Variants in KLHL5 observed in about 807,000 individuals in gnomAD.
The protein encoded by KLHL5 is kelch like family member 5, also known as kelch-like protein 5.
Under a neutral mutation model 77.7 loss-of-function variants are expected in KLHL5, and 48 were observed. The ratio of observed to expected loss-of-function variants is 0.62; its 90% CI spans 0.49 to 0.79. KLHL5 has a LOEUF of 0.79. Ranked by LOEUF, KLHL5 falls within the 30% of genes least tolerant of loss-of-function variation. The pLI, the probability that KLHL5 is intolerant of heterozygous loss-of-function variation, is 0.00. For missense variants in KLHL5, 723 were observed against 859.7 expected (o/e 0.84, Z 1.99); for synonymous variants, 260 against 297.0 (o/e 0.88, Z 1.28).
intron 8 of KLHL5, chr4:39,112,751 T>C: frequency 2.5e-6 from 1 of 397,346 alleles, no homozygotes; most frequent in East Asian, 5.0e-5. Flanking sequence ...CAACCAATGG[T>C]GACTTGTCAA....
At chr4:39,048,763 C>G (rs1472401648) in intron 1 of KLHL5, among the ~76,000 whole-genome samples, 1 of 149,074 alleles carries the variant, frequency 6.7e-6, no homozygotes, top group African/African-American at 2.5e-5. Flanking sequence ...CCTGCCTCAG[C>G]CTCCCGAGTA....
intron 8 of KLHL5, 34 bp from the exon 9 acceptor site, chr4:39,112,986 G>C (rs914409271): frequency 6.3e-7 from 1 of 1,575,776 alleles, no homozygotes; most frequent in Non-Finnish European, 8.7e-7. Flanking sequence ...AATGGCACAT[G>C]TCTTATTTAT....
chr4:39,118,035 T>C (rs551676202), intron 10 of KLHL5, among the ~76,000 whole-genome samples: 1 of 143,984 alleles, frequency 6.9e-6, no homozygotes, highest in Admixed American at 7.3e-5. Flanking sequence ...CACTCTAGCC[T>C]GGGTGACAGA....
rs190979670 is a variant in KLHL5 at position 39,121,176 on chromosome 4, C to A, written c.*110C>A. On this transcript the variant is annotated 3_prime_UTR_variant, in exon 11 of 11. Coordinates refer to ENST00000504108, the MANE Select transcript of KLHL5 (RefSeq NM_015990.5). ...AAATGTGCATTGTCACAATCCTGGG[C>A]ACAAAGTGCCTGATGTCAAAATGAA... is the stretch of plus-strand genomic sequence containing the variant. The A allele has an allele frequency of 1.3e-3, 1,072 of 828,186 alleles. No homozygotes were observed. The highest frequency in any genetic ancestry group is 1.9e-3 in the Non-Finnish European group (939 of 499,492). 51.3% of individuals were successfully genotyped at this position (828,186 alleles called of 1,614,324 possible).
chr4:39,116,072 C>G, intron 10 of KLHL5: 1 of 975,186 alleles, frequency 1.0e-6, no homozygotes, highest in South Asian at 4.7e-5. Context: ...GTGGCTTATG[C>G]CTATAATCCC....
rs184995654 is a variant in KLHL5, at chr4:39,113,175, G to T, written c.1844G>T (p.Gly615Val). Residue 615 changes from glycine to valine, a missense_variant, in exon 9 of 11, where the codon GGG becomes GTG. By Grantham distance (109) the Gly-to-Val change is moderately radical. This residue lies in a region of KLHL5 where 214 missense variants were observed against 237.4 expected (regional missense o/e 0.90). Coordinates refer to ENST00000504108, the MANE Select transcript of KLHL5 (RefSeq NM_015990.5). ...TTWNGLLYAI[G>V]GHDAPASNLT... The stretch of plus-strand genomic sequence containing the variant: ...TGGAATGGACTGCTGTATGCTATAG[G>T]GGGGCACGATGCTCCCGCATCCAAC... 6.2e-6 allele frequency: 10 copies of T among 1,614,114 alleles called. No individual in the cohort carries two copies. Among genetic ancestry groups the T allele is most frequent in the Admixed American group, 5.0e-5 (3 of 60,008 alleles).
chr4:39,054,531 G>A (rs542278147), intron 1 of KLHL5, among the ~76,000 whole-genome samples: 25 of 152,244 alleles, frequency 1.6e-4, no homozygotes, highest in African/African-American at 4.3e-4. Context: ...AATCCTGACC[G>A]TTACTCAATA....
At chr4:39,098,617 G>T (rs1006889353) in intron 6 of KLHL5, among the ~76,000 whole-genome samples, 2 of 151,204 alleles carry the variant, frequency 1.3e-5, no homozygotes, top group Non-Finnish European at 2.9e-5. Context: ...AGGCTGGAGT[G>T]CAGTGGCATG....
At position 39,122,107 on chromosome 4, in the gene KLHL5, C is replaced by CT. The variant is rs1723243776; in HGVS notation, c.*1042dup. ...CCTAAGTTTTTTACATTTTTAAACT[C>CT]TAATTACATATGTGAATGTTATTAC... On this transcript the variant is annotated 3_prime_UTR_variant, in exon 11 of 11. Coordinates refer to ENST00000504108, the MANE Select transcript of KLHL5 (RefSeq NM_015990.5). 6.6e-6 allele frequency: 1 copy of CT among 152,518 alleles called. No individual in the cohort carries two copies. Among genetic ancestry groups the CT allele is most frequent in the Non-Finnish European group, 1.5e-5 (1 of 68,014 alleles). 9.4% of individuals were successfully genotyped at this position (152,518 alleles called of 1,614,324 possible).
intron 1 of KLHL5, among the ~76,000 whole-genome samples, chr4:39,050,660 A>G (rs1716568285): frequency 6.6e-6 from 1 of 152,244 alleles, no homozygotes; most frequent in Non-Finnish European, 1.5e-5. Flanking sequence ...GACTTAGGAA[A>G]TAATGCAGTT....
intron 6 of KLHL5, among the ~76,000 whole-genome samples, chr4:39,098,002 T>C (rs1267990110): frequency 6.6e-6 from 1 of 151,262 alleles, no homozygotes; most frequent in Non-Finnish European, 1.5e-5. Flanking sequence ...ACAATGGTGG[T>C]GCATGCCTGT....
chr4:39,060,152 T>C (rs974951888), upstream of KLHL5, among the ~76,000 whole-genome samples: 1 of 152,128 alleles, frequency 6.6e-6, no homozygotes, highest in Non-Finnish European at 1.5e-5. Flanking sequence ...ATATATAAAA[T>C]TAGGTGAGAA....
At chr4:39,087,933 GCTTT>G (rs1190933351) in intron 5 of KLHL5, among the ~76,000 whole-genome samples, 6 of 152,236 alleles carry the variant, frequency 3.9e-5, no homozygotes, top group East Asian at 3.9e-4. Context: ...CAATATGGAT[GCTTT>G]CTAAGACCTT....
Position 39,115,197 on chromosome 4 carries a change from C to G in KLHL5, c.1940C>G (p.Ser647Cys), listed in dbSNP as rs150876209. The G allele has an allele frequency of 1.3e-4, 204 of 1,613,478 alleles. No individual in the cohort carries two copies. In the African/African-American group the frequency reaches 2.5e-3, roughly 20 times the overall value. Residue 647 changes from serine (S) to cysteine (C), a missense_variant, in exon 10 of 11, where the codon TCC becomes TGC. Physicochemically the swap from Ser to Cys is moderately radical, Grantham distance 112. Transcript: ENST00000504108. ...PKTDMWTAVA[S>C]MSISRDAVGV... is the part of the protein sequence containing the mutation. ...ACAGACATGTGGACTGCAGTAGCAT[C>G]CATGAGCATCAGCAGAGATGCAGTG...
rs1417639045 is a variant in KLHL5 at position 39,126,180 on chromosome 4, TA to T, written c.*5116del. On this transcript the variant is annotated 3_prime_UTR_variant, in exon 11 of 11. Transcript: ENST00000504108. ...ACTCTGTAATATTTGAAATTATTGA[TA>T]ACTCTTACACAAAAACAAATATTCA... Among the ~76,000 whole-genome samples, 8 of 152,220 alleles carry T rather than the reference TA, an allele frequency of 5.3e-5. No individual in the cohort carries two copies. Among genetic ancestry groups the T allele is most frequent in the African/African-American group, 1.7e-4 (7 of 41,468 alleles).
In KLHL5 at chr4:39,081,903, A is replaced by C. The variant is rs1577683181; in HGVS notation, c.704-60A>C. ...GGAACCACTACTGTTAACATCAATTATTTTATAAAATAAGGTTAATGTAGT... is the reference window on the plus strand; with the variant it reads ...GGAACCACTACTGTTAACATCAATTCTTTTATAAAATAAGGTTAATGTAGT... On this transcript the variant is annotated intron_variant, in intron 3 of 10. Coordinates refer to ENST00000504108, the MANE Select transcript of KLHL5 (RefSeq NM_015990.5). This position sits in a 1 kb window ranked among gnomAD's most constrained non-coding sequence, Gnocchi z 4.3. 1 of 1,254,624 alleles carries C rather than the reference A, an allele frequency of 8.0e-7. No homozygotes were observed. The highest frequency in any genetic ancestry group is 2.4e-5 in the East Asian group (1 of 40,916). The allele number at this position is 1,254,624 out of a possible 1,614,324, so 77.7% of individuals were successfully genotyped here.
chr4:39,069,976 G>A (rs1470273823), intron 1 of KLHL5, among the ~76,000 whole-genome samples: 2 of 152,058 alleles, frequency 1.3e-5, no homozygotes, highest in Non-Finnish European at 2.9e-5. Context: ...CCTTTGTGAT[G>A]GCATTATCTC....
At chr4:39,078,795 G>C (rs531424866) in intron 2 of KLHL5, among the ~76,000 whole-genome samples, 31 of 152,204 alleles carry the variant, frequency 2.0e-4, no homozygotes, top group African/African-American at 7.5e-4. Flanking sequence ...ATTGGGTACA[G>C]TGTACTCTGC....
upstream of KLHL5, among the ~76,000 whole-genome samples, chr4:39,058,550 G>T (rs1245758661): frequency 6.6e-6 from 1 of 152,114 alleles, no homozygotes; most frequent in Non-Finnish European, 1.5e-5. Context: ...TCGGGAGGTT[G>T]TGGATGCAGT....
Sources: allele counts gnomAD v4.1 joint callset (sites outside exome capture counted in the v4.1 genomes callset), GRCh38; gene constraint gnomAD v4.1.1; regional missense constraint gnomAD v4.1.1; non-coding constraint Gnocchi (gnomAD v3.1); transcripts MANE v1.5; gene names NCBI Gene and HGNC (gene_info 2026-07-23, HGNC 2026-07-21).